DLC1: variants seen among roughly 807,000 people sequenced by gnomAD.
The protein encoded by DLC1 is DLC1 Rho GTPase activating protein.
Under a neutral mutation model 140.3 loss-of-function variants are expected in DLC1, and 54 were observed. That is an observed-to-expected ratio of 0.38 (90% CI 0.31 to 0.48). The LOEUF is 0.48. Among genes scored for constraint, DLC1 ranks in the 20% least tolerant of loss-of-function variants. DLC1 has a pLI of 0.96. For synonymous variants in DLC1, 986 were observed against 728.1 expected, an observed-to-expected ratio of 1.35 and a Z score of -5.70; for missense variants, 2,536 against 1,907.0, an observed-to-expected ratio of 1.33 and a Z score of -6.14.
chr8:13,225,904 C>G (rs976215135), intron 5 of DLC1, among the ~76,000 whole-genome samples: 3 of 152,032 alleles, frequency 2.0e-5, no homozygotes, highest in African/African-American at 7.2e-5. Flanking sequence ...CGTGAGCCAC[C>G]GCGCCTGGCC....
chr8:13,440,012 A>G (rs967953721), intron 2 of DLC1, among the ~76,000 whole-genome samples: 1 of 152,218 alleles, frequency 6.6e-6, no homozygotes, highest in Non-Finnish European at 1.5e-5. Context: ...TATTCACTGA[A>G]CATTCAATCT....
chr8:13,506,581 G>GTGTGTGTGTATATATATATATATA lies in DLC1; in HGVS notation c.-125-6386_-125-6385insTATATATATATATATACACACACA, dbSNP rs1246764417. Among the ~76,000 whole-genome samples, 118 of 130,990 alleles carry GTGTGTGTGTATATATATATATATA rather than the reference G, an allele frequency of 9.0e-4. 1 individual carries two copies. Among genetic ancestry groups the GTGTGTGTGTATATATATATATATA allele is most frequent in the African/African-American group, 3.6e-3 (111 of 31,046 alleles). 85.9% of individuals were successfully genotyped at this position (130,990 alleles called of 152,430 possible). A position where few individuals can be genotyped will look rare whatever the true frequency, so the allele number is the denominator to read the frequency against. On this transcript the variant is annotated intron_variant, in intron 1 of 17. Coordinates refer to ENST00000276297, the MANE Select transcript of DLC1 (RefSeq NM_182643.3). The stretch of plus-strand genomic sequence containing the variant: ...CACACACACACATGTGTGTGTGTGT[G>GTGTGTGTGTATATATATATATATA]TATATATATATATATATATATATAT...
intron 4 of DLC1, among the ~76,000 whole-genome samples, chr8:13,371,566 G>A (rs941728020): frequency 2.7e-5 from 4 of 146,972 alleles, no homozygotes; most frequent in African/African-American, 7.7e-5. Context: ...GCACCTTCAC[G>A]CCTTGGCTCA....
At chr8:13,137,284 G>T (rs1033861762) in intron 5 of DLC1, among the ~76,000 whole-genome samples, 3 of 152,118 alleles carry the variant, frequency 2.0e-5, no homozygotes, top group Non-Finnish European at 4.4e-5. Flanking sequence ...AGAAGTTAAT[G>T]TTAGATAACG....
intron 4 of DLC1, among the ~76,000 whole-genome samples, chr8:13,314,913 T>C (rs916000482): frequency 2.0e-5 from 3 of 152,162 alleles, no homozygotes; most frequent in African/African-American, 7.2e-5. Context: ...ACCCACAAAT[T>C]TGATATATAT....
intron 4 of DLC1, among the ~76,000 whole-genome samples, chr8:13,326,575 C>G (rs550955022): frequency 3.3e-5 from 5 of 152,268 alleles, no homozygotes; most frequent in African/African-American, 1.2e-4. Flanking sequence ...CTTGTCTCCA[C>G]CAAGTTTGCC....
At chr8:13,245,987 A>G (rs1375283061) in intron 5 of DLC1, among the ~76,000 whole-genome samples, 3 of 152,124 alleles carry the variant, frequency 2.0e-5, no homozygotes, top group Non-Finnish European at 4.4e-5. Context: ...CAGGTGTTAG[A>G]CACCATGCCC....
At chr8:13,300,534 T>A (rs1832146931) in intron 5 of DLC1, among the ~76,000 whole-genome samples, 1 of 152,186 alleles carries the variant, frequency 6.6e-6, no homozygotes, top group Non-Finnish European at 1.5e-5. Context: ...CTTCTCGTCC[T>A]CTTCGTGGCT....
intron 2 of DLC1, among the ~76,000 whole-genome samples, chr8:13,474,282 A>C (rs1800340919): frequency 6.6e-6 from 1 of 152,160 alleles, no homozygotes; most frequent in Non-Finnish European, 1.5e-5. Flanking sequence ...CATGGTGTTG[A>C]GTCTGTGGGT....
intron 4 of DLC1, among the ~76,000 whole-genome samples, chr8:13,378,332 T>C (rs1799660): frequency 0.66 from 99,743 of 150,902 alleles, 33,496 homozygotes; most frequent in East Asian, 0.84. Context: ...GTTATCTAAA[T>C]GCGATAGAAT....
At chr8:13,301,238 C>G (rs1235466963) in intron 5 of DLC1, among the ~76,000 whole-genome samples, 1 of 149,362 alleles carries the variant, frequency 6.7e-6, no homozygotes, top group East Asian at 2.0e-4. Flanking sequence ...AAAAAAAAAT[C>G]TCTAAAGGGA....
intron 2 of DLC1, among the ~76,000 whole-genome samples, chr8:13,447,222 C>T (rs1585123177): frequency 1.3e-5 from 2 of 152,190 alleles, no homozygotes; most frequent in African/African-American, 4.8e-5. Flanking sequence ...AAATGTTTAC[C>T]TTGGCAGTCT....
intron 2 of DLC1, among the ~76,000 whole-genome samples, chr8:13,428,654 G>T (rs1838714416): frequency 1.3e-5 from 2 of 151,916 alleles, no homozygotes; most frequent in African/African-American, 4.8e-5. Flanking sequence ...TATGCCTCGG[G>T]AGATTGTAGG....
At chr8:13,455,483 C>T (rs1585138510) in intron 2 of DLC1, among the ~76,000 whole-genome samples, 1 of 152,114 alleles carries the variant, frequency 6.6e-6, no homozygotes. Context: ...TCCAGACACA[C>T]CTGCATCCCC....
intron 5 of DLC1, among the ~76,000 whole-genome samples, chr8:13,245,476 G>A (rs931902157): frequency 3.9e-5 from 6 of 152,060 alleles, no homozygotes; most frequent in Admixed American, 1.3e-4. Context: ...ATGCACAGCC[G>A]CAGCAGAAAT....
chr8:13,314,713 A>G (rs932171708), intron 4 of DLC1, among the ~76,000 whole-genome samples: 5 of 152,252 alleles, frequency 3.3e-5, no homozygotes, highest in African/African-American at 9.6e-5. Context: ...ATAAACCATT[A>G]GATCAGAACC....
chr8:13,596,462 G>A (rs1337810271), intron 1 of DLC1, among the ~76,000 whole-genome samples: 1 of 151,862 alleles, frequency 6.6e-6, no homozygotes, highest in Non-Finnish European at 1.5e-5. Flanking sequence ...TGTGAATTTT[G>A]AAAATCAGAT....
chr8:13,375,786 G>GC (rs1367190685), intron 4 of DLC1, among the ~76,000 whole-genome samples: 1 of 151,824 alleles, frequency 6.6e-6, no homozygotes, highest in Non-Finnish European at 1.5e-5. Flanking sequence ...TCAAAGCTTG[G>GC]CCATCATTTG....
At chr8:13,233,724 C>T (rs1475445208) in intron 5 of DLC1, among the ~76,000 whole-genome samples, 2 of 152,158 alleles carry the variant, frequency 1.3e-5, no homozygotes, top group South Asian at 2.1e-4. Context: ...ATTTGGCTTG[C>T]CACCTGGATA....
Sources: allele counts gnomAD v4.1 joint callset (sites outside exome capture counted in the v4.1 genomes callset), GRCh38; gene constraint gnomAD v4.1.1; transcripts MANE v1.5; gene names NCBI Gene and HGNC (gene_info 2026-07-23, HGNC 2026-07-21).